Variants in ZNF782 observed in about 807,000 individuals in gnomAD.
ZNF782 encodes the protein zinc finger protein 782.
ZNF782 carries 12 observed loss-of-function variants against 13.0 expected under a neutral mutation model. The ratio of observed to expected loss-of-function variants is 0.92; its 90% CI spans 0.59 to 1.50. ZNF782 has a LOEUF of 1.50. Among genes scored for constraint, ZNF782 ranks in the 40% most tolerant of loss-of-function variants. The pLI is 0.00. For missense variants in ZNF782, 770 were observed against 822.9 expected (o/e 0.94, Z 0.79); for synonymous variants, 284 against 283.0 (o/e 1.00, Z -0.04).
At chr9:96,855,325 G>A (rs1402426291), upstream of ZNF782, among the ~76,000 whole-genome samples, 1 of 152,108 alleles carries the variant, frequency 6.6e-6, no homozygotes, top group East Asian at 1.9e-4. Flanking sequence ...CTTTAGTGGC[G>A]ATTTGTGAGA....
At position 96,831,485 on chromosome 9, in the gene ZNF782, G is replaced by A. The variant is rs192663692; in HGVS notation, c.143-4304C>T. On this transcript the variant is annotated intron_variant, in intron 4 of 5. Coordinates refer to ENST00000481138, the MANE Select transcript of ZNF782 (RefSeq NM_001001662.3). ...AGCACTTTGGGAGGCCGAGACGGGC[G>A]GATCACGAGGTCTGGAGATTGAGAC... Among the ~76,000 whole-genome samples the A allele has an allele frequency of 3.3e-3, 501 of 152,066 alleles. 1 individual carries two copies. Among genetic ancestry groups the A allele is most frequent in the African/African-American group, 0.012 (486 of 41,468 alleles).
the ZNF782 span, among the ~76,000 whole-genome samples, chr9:96,916,710 C>T: frequency 6.6e-6 from 1 of 151,620 alleles, no homozygotes; most frequent in Non-Finnish European, 1.5e-5. Flanking sequence ...TTTGCGGAGG[C>T]TGGGCTCATC....
intron 4 of ZNF782, among the ~76,000 whole-genome samples, chr9:96,827,940 C>T (rs1403247864): frequency 1.3e-5 from 2 of 152,156 alleles, no homozygotes; most frequent in Non-Finnish European, 2.9e-5. Flanking sequence ...AATACCAAAA[C>T]AGAGCCTGGC....
At chr9:96,892,533 G>A in the ZNF782 span, 2 of 152,238 alleles carry the variant, frequency 1.3e-5, no homozygotes, top group Non-Finnish European at 2.9e-5. Flanking sequence ...TGGACCGGCT[G>A]AGCAGCGTCA....
At chr9:96,862,894 CG>C (rs1851718684) in intron 1 of ZNF782, among the ~76,000 whole-genome samples, 3 of 152,126 alleles carry the variant, frequency 2.0e-5, no homozygotes, top group Admixed American at 6.5e-5. Context: ...AATCTGGCGG[CG>C]GTGGGTGGCT....
chr9:96,902,592 T>C, the ZNF782 span, among the ~76,000 whole-genome samples: 2 of 134,714 alleles, frequency 1.5e-5, no homozygotes, highest in Non-Finnish European at 3.0e-5. Flanking sequence ...CTTTGCAAAA[T>C]TGTAAAACAA....
intron 4 of ZNF782, among the ~76,000 whole-genome samples, chr9:96,837,849 G>A (rs530403604): frequency 2.6e-5 from 4 of 152,056 alleles, no homozygotes; most frequent in South Asian, 2.1e-4. Context: ...TCATTTTCAC[G>A]TAGCTGGAAC....
At chr9:96,861,150 A>G (rs1463806325) in intron 2 of ZNF782, among the ~76,000 whole-genome samples, 1 of 152,188 alleles carries the variant, frequency 6.6e-6, no homozygotes, top group Non-Finnish European at 1.5e-5. Context: ...AAAATAAAAC[A>G]TTGGGAAAAC....
intron 3 of ZNF782, among the ~76,000 whole-genome samples, chr9:96,851,173 T>C (rs1851474811): frequency 6.6e-6 from 1 of 151,900 alleles, no homozygotes; most frequent in Non-Finnish European, 1.5e-5. Context: ...TAACCAACAA[T>C]AAACATTTAC....
At chr9:96,925,183 G>A in the ZNF782 span, among the ~76,000 whole-genome samples, 20 of 152,148 alleles carry the variant, frequency 1.3e-4, no homozygotes, top group African/African-American at 3.9e-4. Flanking sequence ...CTGGAACCCC[G>A]CCCGCCTCGA....
chr9:96,856,855 T>C (rs1032098295), upstream of ZNF782, among the ~76,000 whole-genome samples: 1 of 152,166 alleles, frequency 6.6e-6, no homozygotes, highest in African/African-American at 2.4e-5. Context: ...TATGATGTGA[T>C]CATGAAGATG....
chr9:96,920,626 C>T, the ZNF782 span, among the ~76,000 whole-genome samples: 340 of 149,034 alleles, frequency 2.3e-3, 6 homozygotes, highest in African/African-American at 7.9e-3. Context: ...TTTCAAAATA[C>T]ATTTTTATGG....
the ZNF782 span, among the ~76,000 whole-genome samples, chr9:96,897,436 A>C: frequency 2.3e-4 from 35 of 152,286 alleles, 1 homozygote; most frequent in East Asian, 3.7e-3. Flanking sequence ...GCTCAGATGG[A>C]GAATCAGCAC....
the ZNF782 span, among the ~76,000 whole-genome samples, chr9:96,901,834 G>A: frequency 7.2e-6 from 1 of 139,524 alleles, no homozygotes; most frequent in Non-Finnish European, 1.5e-5. Flanking sequence ...GACCAAGATC[G>A]CGCCATTGCA....
At chr9:96,823,817 T>C (rs959813410) in intron 5 of ZNF782, among the ~76,000 whole-genome samples, 1 of 152,260 alleles carries the variant, frequency 6.6e-6, no homozygotes, top group African/African-American at 2.4e-5. Flanking sequence ...TATGTTTGTC[T>C]TACTCTACGT....
intron 1 of ZNF782, among the ~76,000 whole-genome samples, chr9:96,868,638 T>TTAAAAA: frequency 6.6e-6 from 1 of 152,340 alleles, no homozygotes; most frequent in South Asian, 2.1e-4. Flanking sequence ...GAAAATCAAG[T>TTAAAAA]TCATTAACAC....
At chr9:96,909,609 T>C in the ZNF782 span, among the ~76,000 whole-genome samples, 3 of 151,498 alleles carry the variant, frequency 2.0e-5, no homozygotes, top group African/African-American at 4.8e-5. Context: ...TCCAGGTCTG[T>C]TAGAAACTTT....
the ZNF782 span, chr9:96,931,682 G>C: frequency 6.2e-7 from 1 of 1,608,728 alleles, no homozygotes; most frequent in South Asian, 1.1e-5. Flanking sequence ...AGTGGACCTG[G>C]AGACGCCAGC....
the ZNF782 span, among the ~76,000 whole-genome samples, chr9:96,924,833 C>T: frequency 6.6e-6 from 1 of 152,198 alleles, no homozygotes; most frequent in African/African-American, 2.4e-5. Context: ...ATTGTTAAAC[C>T]TCCCCCTTCA....
Sources: allele counts gnomAD v4.1 joint callset (sites outside exome capture counted in the v4.1 genomes callset), GRCh38; gene constraint gnomAD v4.1.1; transcripts MANE v1.5; gene names NCBI Gene and HGNC (gene_info 2026-07-23, HGNC 2026-07-21).